SPATA6L: variants seen among roughly 807,000 people sequenced by gnomAD.
SPATA6L encodes spermatogenesis associated 6-like protein.
Under a neutral mutation model 49.2 loss-of-function variants are expected in SPATA6L, and 68 were observed. That is an observed-to-expected ratio of 1.38 (90% CI 1.14 to 1.69). The LOEUF is 1.69. Ranked by LOEUF, SPATA6L falls within the 40% of genes most tolerant of loss-of-function variation. The pLI is 0.00. For missense variants in SPATA6L, 668 were observed against 464.3 expected, an observed-to-expected ratio of 1.44 and a Z score of -4.03; for synonymous variants, 198 against 165.7, an observed-to-expected ratio of 1.19 and a Z score of -1.50.
At chr9:4,606,849 C>G (rs200754174) in intron 9 of SPATA6L, among the ~76,000 whole-genome samples, 1 of 146,596 alleles carries the variant, frequency 6.8e-6, no homozygotes, top group Non-Finnish European at 1.5e-5. Flanking sequence ...TTACTCTGAG[C>G]TACGGGAGGA....
intron 2 of SPATA6L, among the ~76,000 whole-genome samples, chr9:4,658,651 G>C (rs985804671): frequency 3.9e-5 from 6 of 152,134 alleles, no homozygotes; most frequent in African/African-American, 1.4e-4. Context: ...ATCTAGTTGT[G>C]TGCTTCTACA....
chr9:4,625,216 C>T (rs181812194), intron 6 of SPATA6L, 111 bp downstream of exon 6: 16 of 1,444,026 alleles, frequency 1.1e-5, no homozygotes, highest in Admixed American at 5.0e-5. Flanking sequence ...ATTTGAAGTA[C>T]CTTTTTATTG....
chr9:4,629,127 G>C lies in SPATA6L; in HGVS notation c.393C>G (p.Ile131Met). 1 of 1,611,426 alleles carries C rather than the reference G, an allele frequency of 6.2e-7. No individual in the cohort carries two copies. Among genetic ancestry groups the C allele is most frequent in the Non-Finnish European group, 8.5e-7 (1 of 1,178,986 alleles). The change falls in exon 5 of 12, where the codon ATC becomes ATG. Residue 131 changes from isoleucine to methionine, a missense_variant. By Grantham distance (10) the Ile-to-Met change is conservative (BLOSUM62 1). Transcript: ENST00000682582. ...PKIEFSTRTA[I>M]RECVFLHRNR... ...TTCTATGCAGAAACACACATTCTCT[G>C]ATGGCTGTCCTTGTAGAAAACTCTA... is the stretch of plus-strand genomic sequence containing the variant.
Position 4,617,995 on chromosome 9 carries a change from C to A in SPATA6L, c.923G>T (p.Gly308Val). The A allele has an allele frequency of 6.2e-7, 1 of 1,614,020 alleles. No homozygotes were observed. Among genetic ancestry groups the A allele is most frequent in the Non-Finnish European group, 8.5e-7 (1 of 1,179,978 alleles). ...SSKQGDADFH[G>V]KASFATYQHS... ...CTGGTAGGTGGCAAATGAAGCTTTC[C>A]CGTGGAAATCAGCATCCCCTTGTTT... The change falls in exon 9 of 12, where the codon GGG (glycine) becomes GTG (valine). Residue 308 changes from glycine (G) to valine (V), a missense_variant. Transcript: ENST00000682582.
intron 2 of SPATA6L, among the ~76,000 whole-genome samples, chr9:4,661,102 C>A (rs1315150806): frequency 6.6e-6 from 1 of 152,160 alleles, no homozygotes; most frequent in African/African-American, 2.4e-5. Context: ...AACAAACCAG[C>A]ACGTTGTGCA....
chr9:4,615,541 A>G (rs1014327479), intron 9 of SPATA6L, among the ~76,000 whole-genome samples: 8 of 152,190 alleles, frequency 5.3e-5, no homozygotes, highest in African/African-American at 1.9e-4. Context: ...TGGCTGAATG[A>G]ATGCATAAAC....
At chr9:4,640,730 T>C (rs753334522) in intron 3 of SPATA6L, among the ~76,000 whole-genome samples, 1 of 152,100 alleles carries the variant, frequency 6.6e-6, no homozygotes, top group Non-Finnish European at 1.5e-5. Context: ...AATTAATGGA[T>C]CAAACTGTAC....
intron 6 of SPATA6L, among the ~76,000 whole-genome samples, chr9:4,623,383 A>G (rs1829765489): frequency 6.6e-6 from 1 of 152,148 alleles, no homozygotes; most frequent in Non-Finnish European, 1.5e-5. Context: ...ATTGGGTAAC[A>G]TGATCTGCAA....
At chr9:4,636,473 G>A (rs552448363) in intron 3 of SPATA6L, among the ~76,000 whole-genome samples, 1 of 152,274 alleles carries the variant, frequency 6.6e-6, no homozygotes, top group East Asian at 1.9e-4. Flanking sequence ...CTGAGCCGAA[G>A]GACAGAAAGC....
chr9:4,660,852 TA>T (rs1239925130), intron 2 of SPATA6L, among the ~76,000 whole-genome samples: 4 of 152,116 alleles, frequency 2.6e-5, no homozygotes, highest in African/African-American at 9.7e-5. Flanking sequence ...TATGCAGCCA[TA>T]AAAAAGGATG....
chr9:4,640,408 T>C (rs1324832079), intron 3 of SPATA6L, among the ~76,000 whole-genome samples: 2 of 152,304 alleles, frequency 1.3e-5, no homozygotes, highest in South Asian at 2.1e-4. Flanking sequence ...TCATAACATG[T>C]CTTTTGAGTA....
At chr9:4,627,253 G>C (rs1830523521) in intron 5 of SPATA6L, 1 of 154,190 alleles carries the variant, frequency 6.5e-6, no homozygotes, top group South Asian at 2.0e-4. Flanking sequence ...GAATGGAAGA[G>C]AAAGAAACAC....
chr9:4,601,121 T>C (rs2130026176), intron 11 of SPATA6L, among the ~76,000 whole-genome samples: 1 of 152,352 alleles, frequency 6.6e-6, no homozygotes. Context: ...TAGGTGTTAT[T>C]CAGTTGAGCT....
At chr9:4,607,526 G>T (rs1053555571) in intron 9 of SPATA6L, among the ~76,000 whole-genome samples, 7 of 152,220 alleles carry the variant, frequency 4.6e-5, no homozygotes, top group East Asian at 1.9e-4. Context: ...AACCCAGAAT[G>T]TCATATCCAG....
intron 2 of SPATA6L, among the ~76,000 whole-genome samples, chr9:4,658,940 ACT>A (rs1449205005): frequency 3.4e-5 from 4 of 118,864 alleles, no homozygotes; most frequent in Non-Finnish European, 5.0e-5. Flanking sequence ...ACAGAGCAAC[ACT>A]CTGTCTCCAA....
intron 4 of SPATA6L, among the ~76,000 whole-genome samples, chr9:4,632,694 T>A (rs1831882502): frequency 6.6e-6 from 1 of 152,100 alleles, no homozygotes; most frequent in Non-Finnish European, 1.5e-5. Flanking sequence ...GGGACATTGG[T>A]TAAGAGCTGT....
chr9:4,660,914 A>G (rs1563735243), intron 2 of SPATA6L, among the ~76,000 whole-genome samples: 1 of 152,200 alleles, frequency 6.6e-6, no homozygotes, highest in Non-Finnish European at 1.5e-5. Context: ...CATCATTCTC[A>G]GCAAACTATC....
At chr9:4,595,388 G>A (rs1242564815), downstream of SPATA6L, among the ~76,000 whole-genome samples, 1 of 151,994 alleles carries the variant, frequency 6.6e-6, no homozygotes, top group Non-Finnish European at 1.5e-5. Context: ...TTCTTCAAAG[G>A]CTTTGTCAGA....
At chr9:4,647,547 G>T (rs1342949593) in intron 3 of SPATA6L, among the ~76,000 whole-genome samples, 7 of 152,108 alleles carry the variant, frequency 4.6e-5, no homozygotes, top group African/African-American at 1.4e-4. Context: ...AGCCAAGATT[G>T]TGTACTGCAC....
Sources: allele counts gnomAD v4.1 joint callset (sites outside exome capture counted in the v4.1 genomes callset), GRCh38; gene constraint gnomAD v4.1.1; transcripts MANE v1.5; gene names NCBI Gene and HGNC (gene_info 2026-07-23, HGNC 2026-07-21).